The following TRPC4 variants were observed in gnomAD, a reference collection of about 807,000 sequenced individuals.
TRPC4 encodes the protein transient receptor potential cation channel subfamily C member 4.
In TRPC4, 49 loss-of-function variants were observed where a neutral mutation model predicts 99.4. The ratio of observed to expected loss-of-function variants is 0.49; its 90% CI spans 0.39 to 0.63. The LOEUF is 0.63. Ranked by LOEUF, TRPC4 falls within the 20% of genes least tolerant of loss-of-function variation. The probability of loss-of-function intolerance (pLI) is 0.00; values close to 1 mark genes in which losing one functional copy is unlikely to be tolerated. For missense variants in TRPC4, 898 were observed against 1,152.9 expected, an observed-to-expected ratio of 0.78 and a Z score of 3.20; for synonymous variants, 454 against 425.9, an observed-to-expected ratio of 1.07 and a Z score of -0.81.
At chr13:37,776,505 A>T (rs1956707087) in intron 2 of TRPC4, among the ~76,000 whole-genome samples, 1 of 151,826 alleles carries the variant, frequency 6.6e-6, no homozygotes, top group Non-Finnish European at 1.5e-5. Flanking sequence ...TTATGGTTAC[A>T]CATATATTGA....
intron 2 of TRPC4, among the ~76,000 whole-genome samples, chr13:37,780,678 C>G (rs765345153): frequency 3.9e-5 from 6 of 152,054 alleles, no homozygotes; most frequent in Non-Finnish European, 7.4e-5. Context: ...CAGCCAGGCT[C>G]TAATGGGATT....
chr13:37,686,659 CTAAA>C (rs1460751248), intron 4 of TRPC4, among the ~76,000 whole-genome samples: 1 of 152,036 alleles, frequency 6.6e-6, no homozygotes, highest in Non-Finnish European at 1.5e-5. Context: ...TAAAAATTTG[CTAAA>C]TAAAGTGTTA....
intron 2 of TRPC4, among the ~76,000 whole-genome samples, chr13:37,773,022 A>G (rs754162603): frequency 6.6e-6 from 1 of 151,798 alleles, no homozygotes; most frequent in Non-Finnish European, 1.5e-5. Context: ...TGAGAAAATC[A>G]GATAACCAGT....
intron 1 of TRPC4, among the ~76,000 whole-genome samples, chr13:37,812,723 C>G (rs959928923): frequency 6.6e-6 from 1 of 151,830 alleles, no homozygotes; most frequent in Non-Finnish European, 1.5e-5. Flanking sequence ...AAGATGTTTT[C>G]CAAATTTGAT....
chr13:37,697,138 G>A (rs1010640277), intron 3 of TRPC4, among the ~76,000 whole-genome samples: 3 of 151,954 alleles, frequency 2.0e-5, no homozygotes, highest in Non-Finnish European at 2.9e-5. Context: ...CCTTTCCAGG[G>A]CAGGTGAAAC....
At chr13:37,863,338 T>C (rs534248473) in intron 1 of TRPC4, among the ~76,000 whole-genome samples, 16 of 151,702 alleles carry the variant, frequency 1.1e-4, no homozygotes, top group South Asian at 4.1e-4. Context: ...CCTTTATGGG[T>C]TACTCTATAC....
At chr13:37,779,763 C>T (rs577034275) in intron 2 of TRPC4, among the ~76,000 whole-genome samples, 1 of 152,136 alleles carries the variant, frequency 6.6e-6, no homozygotes, top group South Asian at 2.1e-4. Flanking sequence ...AATCAAAAAA[C>T]TACGCATGTC....
At chr13:37,814,057 C>G (rs1957774968) in intron 1 of TRPC4, among the ~76,000 whole-genome samples, 1 of 151,654 alleles carries the variant, frequency 6.6e-6, no homozygotes, top group African/African-American at 2.4e-5. Flanking sequence ...TACAACAAAT[C>G]AATACAATAA....
intron 1 of TRPC4, among the ~76,000 whole-genome samples, chr13:37,820,109 A>G (rs1375534624): frequency 6.6e-6 from 1 of 152,062 alleles, no homozygotes; most frequent in Non-Finnish European, 1.5e-5. Flanking sequence ...GACAAAGGAT[A>G]TATTACCACC....
intron 3 of TRPC4, among the ~76,000 whole-genome samples, chr13:37,717,159 C>A (rs947722399): frequency 6.6e-6 from 1 of 152,004 alleles, no homozygotes; most frequent in Non-Finnish European, 1.5e-5. Context: ...GTTTCAAGAA[C>A]AATTTTCAAA....
chr13:37,697,554 T>C (rs1953949321), intron 3 of TRPC4, among the ~76,000 whole-genome samples: 3 of 152,146 alleles, frequency 2.0e-5, no homozygotes. Flanking sequence ...TTGTAACCAA[T>C]TGTAGTTATA....
At position 37,760,423 on chromosome 13, in the gene TRPC4, T is replaced by G. The variant is rs572306838; in HGVS notation, c.379-13968A>C. On this transcript the variant is annotated intron_variant, in intron 2 of 10. Coordinates refer to ENST00000379705, the MANE Select transcript of TRPC4 (RefSeq NM_016179.4). ...AATTGAACTGTCATTGGGCTGCTTT[T>G]TTGCCTTTAATGGAGGAAGGGGGAA... 5.3e-5 allele frequency among the ~76,000 whole-genome samples: 8 copies of G among 152,136 alleles called. No homozygotes were observed. In the South Asian group the frequency reaches 1.7e-3, roughly 31 times the overall value.
At chr13:37,807,253 T>C (rs1957550288) in intron 1 of TRPC4, among the ~76,000 whole-genome samples, 2 of 151,996 alleles carry the variant, frequency 1.3e-5, no homozygotes, top group African/African-American at 4.8e-5. Flanking sequence ...CAATCAATGC[T>C]CATAACTAGA....
At chr13:37,757,623 G>T (rs1234153212) in intron 2 of TRPC4, among the ~76,000 whole-genome samples, 2 of 151,648 alleles carry the variant, frequency 1.3e-5, no homozygotes, top group Admixed American at 6.6e-5. Context: ...AGAGTATCAG[G>T]TTGAAGAAAT....
chr13:37,646,514 C>A (rs919034419), intron 8 of TRPC4, among the ~76,000 whole-genome samples: 5 of 152,192 alleles, frequency 3.3e-5, no homozygotes, highest in African/African-American at 9.6e-5. Flanking sequence ...GGATCGGGAC[C>A]TTTTGAGCAA....
At chr13:37,681,155 C>T (rs1419723232) in intron 4 of TRPC4, among the ~76,000 whole-genome samples, 2 of 152,144 alleles carry the variant, frequency 1.3e-5, no homozygotes, top group Admixed American at 6.5e-5. Flanking sequence ...ACTCTGTTCT[C>T]GTCCGATGGG....
intron 2 of TRPC4, among the ~76,000 whole-genome samples, chr13:37,767,970 A>T (rs756112119): frequency 4.0e-5 from 6 of 151,486 alleles, no homozygotes; most frequent in Non-Finnish European, 4.4e-5. Context: ...AGTTCAATGG[A>T]CTGAAAAATA....
intron 3 of TRPC4, among the ~76,000 whole-genome samples, chr13:37,735,503 T>C (rs923696684): frequency 3.3e-5 from 5 of 152,146 alleles, no homozygotes; most frequent in African/African-American, 7.2e-5. Context: ...ATGTGAACAT[T>C]TGTACAACAG....
intron 8 of TRPC4, among the ~76,000 whole-genome samples, chr13:37,645,190 T>A (rs1020112507): frequency 6.6e-6 from 1 of 152,066 alleles, no homozygotes; most frequent in Admixed American, 6.6e-5. Context: ...GTTTGCAGGT[T>A]CCTCCTAATT....
Sources: gnomAD v4.1 joint callset for allele counts (sites outside exome capture counted in the v4.1 genomes callset) on GRCh38, gnomAD v4.1.1 for gene constraint, MANE v1.5 for transcripts, NCBI Gene and HGNC (gene_info 2026-07-23, HGNC 2026-07-21) for gene names.